The following RBBP6 variants were observed in gnomAD, a reference collection of about 807,000 sequenced individuals.
RBBP6 encodes the protein E3 ubiquitin-protein ligase RBBP6.
RBBP6 carries 25 observed loss-of-function variants against 167.7 expected under a neutral mutation model. The ratio of observed to expected loss-of-function variants is 0.15; its 90% CI spans 0.11 to 0.21. The LOEUF (loss-of-function observed/expected upper bound fraction) is 0.21. RBBP6 is among the 10% of genes least tolerant of loss of function. The probability of loss-of-function intolerance (pLI) is 1.00; values close to 1 mark genes in which losing one functional copy is unlikely to be tolerated. For missense variants in RBBP6, 1,868 were observed against 2,134.2 expected (o/e 0.88, Z 2.46); for synonymous variants, 789 against 735.8 (o/e 1.07, Z -1.17).
At chr16:24,550,686 A>G (rs1276727172) in intron 3 of RBBP6, among the ~76,000 whole-genome samples, 1 of 151,626 alleles carries the variant, frequency 6.6e-6, no homozygotes, top group African/African-American at 2.4e-5. Flanking sequence ...TGTCTGTATT[A>G]CATTTATAAG....
At chr16:24,556,115 A>G (rs1898906803) in intron 6 of RBBP6, among the ~76,000 whole-genome samples, 193 bp from the exon 7 acceptor site, 1 of 152,182 alleles carries the variant, frequency 6.6e-6, no homozygotes, top group Non-Finnish European at 1.5e-5. Flanking sequence ...TGATCTCTAT[A>G]AGCCTGTTTT....
chr16:24,562,903 G>A (rs1416394133), intron 10 of RBBP6, among the ~76,000 whole-genome samples: 1 of 152,118 alleles, frequency 6.6e-6, no homozygotes, highest in Non-Finnish European at 1.5e-5. Flanking sequence ...CTTAATCCTA[G>A]GGGGATTTTT....
At position 24,563,341 on chromosome 16, in the gene RBBP6, G is replaced by T. The variant is rs3764975; in HGVS notation, c.1386+46G>T. ...AATTTGGGATTTTTTTTACAGCAGGGTTTTGTTTTTCTGGCTTTGTTCTTA... is the reference window on the plus strand; with the variant it reads ...AATTTGGGATTTTTTTTACAGCAGGTTTTTGTTTTTCTGGCTTTGTTCTTA... On this transcript the variant is annotated intron_variant, in intron 11 of 17. Transcript: ENST00000319715. The T allele has an allele frequency of 1.4e-3, 2,140 of 1,555,500 alleles. 55 individuals carry two copies. The East Asian group carries it at 0.048, about 35-fold the overall frequency.
intron 2 of RBBP6, 78 bp from the exon 3 acceptor site, chr16:24,548,867 A>C: frequency 8.5e-7 from 1 of 1,182,282 alleles, no homozygotes; most frequent in Middle Eastern, 2.0e-4. Flanking sequence ...GTATTATTGA[A>C]GATAATGTGT....
intron 4 of RBBP6, 51 bp downstream of exon 4, chr16:24,553,608 A>AT (rs764504007): frequency 2.3e-5 from 33 of 1,421,336 alleles, no homozygotes; most frequent in South Asian, 9.5e-5. Context: ...CTAACATCAT[A>AT]TTTTTTTATG....
rs757877019 is a variant in RBBP6, at chr16:24,546,155, A to G, written c.167-8A>G. 3.2e-6 allele frequency: 5 copies of G among 1,564,764 alleles called. No homozygotes were observed. The highest frequency in any genetic ancestry group is 1.4e-5 in the African/African-American group (1 of 71,852). ...AATGGAAATTCAATTCTGTCTTTTT[A>G]TTTACAGAATATACTGATGATAATG... is the stretch of plus-strand genomic sequence containing the variant. On this transcript the variant is annotated splice_polypyrimidine_tract_variant and splice_region_variant and intron_variant, in intron 1 of 17. Coordinates refer to ENST00000319715, the MANE Select transcript of RBBP6 (RefSeq NM_006910.5).
Position 24,569,402 on chromosome 16 carries a change from A to G in RBBP6, c.2712A>G (p.Ala904=), listed in dbSNP as rs1165468025. The change falls in exon 17 of 18, where the codon GCA becomes GCG. Residue 904 remains alanine (A), a synonymous_variant. Coordinates refer to ENST00000319715, the MANE Select transcript of RBBP6 (RefSeq NM_006910.5). ...GCAACTATCCAGAAAAGCTTTCAGCAAGAGATGGTCACAATCAGAAGGATA... is the reference window on the plus strand; with the variant it reads ...GCAACTATCCAGAAAAGCTTTCAGCGAGAGATGGTCACAATCAGAAGGATA... ...IGSNYPEKLS[A]RDGHNQKDNT... 1 of 1,614,046 alleles carries G rather than the reference A, an allele frequency of 6.2e-7. No individual in the cohort carries two copies. The highest frequency in any genetic ancestry group is 8.5e-7 in the Non-Finnish European group (1 of 1,180,038).
At chr16:24,560,105 GT>G (rs1164371948) in intron 8 of RBBP6, among the ~76,000 whole-genome samples, 6 of 135,016 alleles carry the variant, frequency 4.4e-5, no homozygotes, top group African/African-American at 1.1e-4. Context: ...CCTGTAGACA[GT>G]TTTTGTTTTT....
Position 24,567,394 on chromosome 16 carries a change from C to T in RBBP6, c.1841C>T (p.Pro614Leu), listed in dbSNP as rs772493428. Residue 614 changes from proline (P) to leucine (L), a missense_variant, in exon 15 of 18, where the codon CCT (proline) becomes CTT (leucine). Pro to Leu is a moderately conservative substitution (Grantham distance 98). Coordinates refer to ENST00000319715, the MANE Select transcript of RBBP6 (RefSeq NM_006910.5). Reference sequence around the variant, plus strand: ...CCAGCTCCTGCCAATTTATCAACACCTTGGGTATCATCAGGAGTGCAGACA... The same window carrying T: ...CCAGCTCCTGCCAATTTATCAACACTTTGGGTATCATCAGGAGTGCAGACA... ...FPPAPANLST[P>L]WVSSGVQTAH... 6.2e-7 allele frequency: 1 copy of T among 1,614,186 alleles called. No individual in the cohort carries two copies. The highest frequency in any genetic ancestry group is 8.5e-7 in the Non-Finnish European group (1 of 1,180,028).
In RBBP6 at chr16:24,539,823, G is replaced by A. The variant is rs983070814; in HGVS notation, c.-804G>A. 3.9e-5 allele frequency: 6 copies of A among 152,240 alleles called. No homozygotes were observed. The East Asian group carries it at 5.8e-4, about 15-fold the overall frequency. The allele number at this position is 152,240 out of a possible 1,614,324, so 9.4% of individuals were successfully genotyped here. A position where few individuals can be genotyped will look rare whatever the true frequency, so the allele number is the denominator to read the frequency against. On this transcript the variant is annotated 5_prime_UTR_variant, in exon 1 of 18. Transcript: ENST00000319715. Reference sequence around the variant, plus strand: ...AGGGAGCCTCGGCGGTGTCCCCGGGGTCCGCCGAAGCCACCCGGCCGCCGG... The same window carrying A: ...AGGGAGCCTCGGCGGTGTCCCCGGGATCCGCCGAAGCCACCCGGCCGCCGG...
At chr16:24,541,496 G>A (rs533407168) in intron 1 of RBBP6, among the ~76,000 whole-genome samples, 126 of 152,204 alleles carry the variant, frequency 8.3e-4, no homozygotes, top group Middle Eastern at 3.4e-3. Flanking sequence ...TTATCAATTC[G>A]GTGAAGATCA....
At chr16:24,548,695 A>ACACCTATTTTT (rs1898725226) in intron 2 of RBBP6, among the ~76,000 whole-genome samples, 1 of 152,204 alleles carries the variant, frequency 6.6e-6, no homozygotes, top group African/African-American at 2.4e-5. Flanking sequence ...TTTAAGTGGC[A>ACACCTATTTTT]GGGTACACCT....
chr16:24,562,328 C>A (rs1298347432), intron 10 of RBBP6, among the ~76,000 whole-genome samples, 167 bp downstream of exon 10: 1 of 152,114 alleles, frequency 6.6e-6, no homozygotes, highest in Non-Finnish European at 1.5e-5. Flanking sequence ...GGAAAACAAA[C>A]GTGATTGATT....
intron 2 of RBBP6, among the ~76,000 whole-genome samples, chr16:24,548,201 G>T (rs1898707743): frequency 6.6e-6 from 1 of 151,696 alleles, no homozygotes; most frequent in Non-Finnish European, 1.5e-5. Flanking sequence ...TTTCTTTTGG[G>T]GTTTATGTCT....
chr16:24,545,230 C>T (rs1266603294), intron 1 of RBBP6, among the ~76,000 whole-genome samples: 1 of 152,098 alleles, frequency 6.6e-6, no homozygotes, highest in Non-Finnish European at 1.5e-5. Context: ...CACCACCAAA[C>T]CTTCCTAATT....
At chr16:24,559,702 A>T (rs759381718) in intron 8 of RBBP6, 25 bp downstream of exon 8, 1 of 1,498,390 alleles carries the variant, frequency 6.7e-7, no homozygotes, top group Non-Finnish European at 8.9e-7. Flanking sequence ...ATCTTGGAAG[A>T]TGTATATTTT....
intron 2 of RBBP6, among the ~76,000 whole-genome samples, chr16:24,548,693 G>T (rs948147465): frequency 3.9e-5 from 6 of 152,032 alleles, no homozygotes; most frequent in African/African-American, 1.2e-4. Flanking sequence ...GTTTTAAGTG[G>T]CAGGGTACAC....
In RBBP6 at chr16:24,568,877, G is replaced by A. The variant is rs1899256249; in HGVS notation, c.2187G>A (p.Arg729=). 6.2e-7 allele frequency: 1 copy of A among 1,614,134 alleles called. No individual in the cohort carries two copies. The highest frequency in any genetic ancestry group is 1.1e-5 in the South Asian group (1 of 91,086). Residue 729 remains arginine, a synonymous_variant, in exon 17 of 18, where the codon CGG becomes CGA. Transcript: ENST00000319715. The part of the protein sequence containing the change: ...FSRSHSRSYS[R]SPPYPRRGRG... ...GCTCACATTCTCGTTCCTATTCACGGTCACCTCCATACCCCAGAAGAGGCA... is the reference window on the plus strand; with the variant it reads ...GCTCACATTCTCGTTCCTATTCACGATCACCTCCATACCCCAGAAGAGGCA...
Position 24,569,809 on chromosome 16 carries a change from G to A in RBBP6, c.3119G>A (p.Gly1040Glu), listed in dbSNP as rs781300103. The change falls in exon 17 of 18, where the codon GGA becomes GAA. Residue 1040 changes from glycine to glutamate, a missense_variant. This residue lies in a region of RBBP6 where 673 missense variants were observed against 691.5 expected (regional missense o/e 0.97). Transcript: ENST00000319715. The stretch of plus-strand genomic sequence containing the variant: ...GAAAATATTGTAAAACCTGCTAAAG[G>A]ACCCCAAGAAAAAGTAGATGGAGAA... ...KKENIVKPAKGPQEKVDGERE... is the reference protein window; with the variant it reads ...KKENIVKPAKEPQEKVDGERE... 33 of 1,611,878 alleles carry A rather than the reference G, an allele frequency of 2.0e-5. No homozygotes were observed. Among genetic ancestry groups the A allele is most frequent in the Non-Finnish European group, 2.7e-5 (32 of 1,179,526 alleles).
Sources: allele counts gnomAD v4.1 joint callset (sites outside exome capture counted in the v4.1 genomes callset), GRCh38; gene constraint gnomAD v4.1.1; regional missense constraint gnomAD v4.1.1; transcripts MANE v1.5; gene names NCBI Gene and HGNC (gene_info 2026-07-23, HGNC 2026-07-21).